VWA3B: variants seen among roughly 807,000 people sequenced by gnomAD.
The protein encoded by VWA3B is von Willebrand factor A domain-containing protein 3B.
In VWA3B, 138 loss-of-function variants were observed where a neutral mutation model predicts 158.3. The observed-to-expected ratio is 0.87, with a 90% CI of 0.76 to 1.00. VWA3B has a LOEUF of 1.00. VWA3B is among the 50% of genes least tolerant of loss of function. VWA3B has a pLI of 0.00. For synonymous variants in VWA3B, 596 were observed against 587.3 expected, an observed-to-expected ratio of 1.01 and a Z score of -0.21; for missense variants, 1,555 against 1,565.1, an observed-to-expected ratio of 0.99 and a Z score of 0.11.
intron 14 of VWA3B, 58 bp downstream of exon 14, chr2:98,218,086 C>A: frequency 6.6e-7 from 1 of 1,516,400 alleles, no homozygotes. Flanking sequence ...TACAGGCTGG[C>A]GGTCCCTGGG....
chr2:98,111,146 C>G (rs1056333598), intron 2 of VWA3B, among the ~76,000 whole-genome samples: 1 of 152,142 alleles, frequency 6.6e-6, no homozygotes, highest in African/African-American at 2.4e-5. Flanking sequence ...GTCTATTTTT[C>G]TCTGCATGTC....
intron 8 of VWA3B, among the ~76,000 whole-genome samples, chr2:98,164,395 G>T (rs1678896490): frequency 6.6e-6 from 1 of 152,180 alleles, no homozygotes; most frequent in Non-Finnish European, 1.5e-5. Context: ...TCCCTAAATG[G>T]TAGTAACAGC....
In VWA3B at chr2:98,140,989, C is replaced by A. The variant is rs533335252; in HGVS notation, c.988+7050C>A. 5.6e-4 allele frequency among the ~76,000 whole-genome samples: 86 copies of A among 152,294 alleles called. No individual in the cohort carries two copies. In the South Asian group the frequency reaches 0.013, roughly 23 times the overall value. On this transcript the variant is annotated intron_variant, in intron 7 of 27. Transcript: ENST00000477737. ...CACCAATGGCCAGTTAAGAGGTGAG[C>A]CTGATGGGCAGGTAGCAGGGTCACA...
At chr2:98,214,961 T>C (rs1683850639) in intron 13 of VWA3B, among the ~76,000 whole-genome samples, 1 of 152,144 alleles carries the variant, frequency 6.6e-6, no homozygotes, top group South Asian at 2.1e-4. Flanking sequence ...ACAAGCAACA[T>C]TCCCGCAAGC....
At chr2:98,314,036 G>A (rs1320260292), downstream of VWA3B, among the ~76,000 whole-genome samples, 1 of 152,176 alleles carries the variant, frequency 6.6e-6, no homozygotes, top group Non-Finnish European at 1.5e-5. Flanking sequence ...AAAACACTGG[G>A]CGTCAGGTGA....
At chr2:98,154,499 C>T (rs1006023047) in intron 7 of VWA3B, among the ~76,000 whole-genome samples, 1 of 152,138 alleles carries the variant, frequency 6.6e-6, no homozygotes, top group African/African-American at 2.4e-5. Context: ...AGCCCCTAAG[C>T]CCAGGGAACC....
In VWA3B at chr2:98,181,142, C is replaced by G. The variant is rs752559069; in HGVS notation, c.1241C>G (p.Ser414Cys). The change falls in exon 9 of 28, where the codon TCT becomes TGT. Residue 414 changes from serine (S) to cysteine (C), a missense_variant. Coordinates refer to ENST00000477737, the MANE Select transcript of VWA3B (RefSeq NM_144992.5). ...TTGTATGATGTGCTTGCCGACTGCT[C>G]TTTCCGCCACGCTGATGGGGTTGTG... is the stretch of plus-strand genomic sequence containing the variant. ...LSLYDVLADC[S>C]FRHADGVVDI... 2.5e-6 allele frequency: 4 copies of G among 1,614,226 alleles called. No individual in the cohort carries two copies. The South Asian group carries it at 3.3e-5, about 13-fold the overall frequency.
At chr2:98,269,875 T>C (rs1688091355) in intron 21 of VWA3B, among the ~76,000 whole-genome samples, 1 of 152,238 alleles carries the variant, frequency 6.6e-6, no homozygotes. Flanking sequence ...TACGAGTTTG[T>C]TTGTGGATGG....
rs76931723 is a variant in VWA3B, at chr2:98,261,393, G to A, written c.2843+5219G>A. ...CACTGATTTGTAATTATTATTTTAC[G>A]CATTTGCCTCTTAAAGAGTAAAGAA... On this transcript the variant is annotated intron_variant, in intron 21 of 27. Transcript: ENST00000477737. Among the ~76,000 whole-genome samples, 1,163 of 151,594 alleles carry A rather than the reference G, an allele frequency of 7.7e-3. 10 individuals are homozygous for A. The highest frequency in any genetic ancestry group is 0.026 in the African/African-American group (1,072 of 41,408).
chr2:98,190,914 A>G (rs1681520413), intron 10 of VWA3B, among the ~76,000 whole-genome samples: 1 of 152,108 alleles, frequency 6.6e-6, no homozygotes, highest in African/African-American at 2.4e-5. Flanking sequence ...CATTGTGGTC[A>G]TATTTTCTCA....
intron 12 of VWA3B, chr2:98,207,870 G>GC: frequency 5.3e-6 from 1 of 188,962 alleles, no homozygotes; most frequent in Non-Finnish European, 1.1e-5. Flanking sequence ...AGTATTTAAG[G>GC]TTTCCAATAC....
Position 98,129,641 on chromosome 2 carries a change from C to T in VWA3B, c.872+1233C>T, listed in dbSNP as rs1675702954. Among the ~76,000 whole-genome samples, 12 of 151,870 alleles carry T rather than the reference C, an allele frequency of 7.9e-5. No individual in the cohort carries two copies. The South Asian group carries it at 2.5e-3, about 32-fold the overall frequency. ...TCCTTATCTATTGGCCTCACAATACCCGAATAGTAATAAAACCTGCATTTA... is the reference window on the plus strand; with the variant it reads ...TCCTTATCTATTGGCCTCACAATACTCGAATAGTAATAAAACCTGCATTTA... On this transcript the variant is annotated intron_variant, in intron 6 of 27. Transcript: ENST00000477737.
intron 15 of VWA3B, among the ~76,000 whole-genome samples, chr2:98,229,252 C>T (rs985796422): frequency 6.6e-6 from 1 of 152,174 alleles, no homozygotes; most frequent in African/African-American, 2.4e-5. Context: ...TTATTGAGTA[C>T]AAACCATGCA....
the VWA3B span, among the ~76,000 whole-genome samples, chr2:98,321,509 C>T: frequency 4.0e-3 from 614 of 152,354 alleles, 3 homozygotes; most frequent in African/African-American, 0.014. Flanking sequence ...TGTGGCAGAG[C>T]TGCCCAAGGC....
the VWA3B span, among the ~76,000 whole-genome samples, chr2:98,326,558 C>T: frequency 2.0e-5 from 3 of 151,768 alleles, no homozygotes; most frequent in African/African-American, 4.8e-5. Context: ...CTCAGGATTT[C>T]GAGACCAGCC....
chr2:98,091,009 C>T (rs551568693), intron 1 of VWA3B, among the ~76,000 whole-genome samples: 22 of 152,210 alleles, frequency 1.4e-4, no homozygotes, highest in African/African-American at 4.6e-4. Flanking sequence ...ATCTTCTCAA[C>T]GTGCTGGGAT....
At chr2:98,147,060 C>A (rs1482720554) in intron 7 of VWA3B, among the ~76,000 whole-genome samples, 1 of 152,158 alleles carries the variant, frequency 6.6e-6, no homozygotes, top group Non-Finnish European at 1.5e-5. Context: ...TTCGCAAATT[C>A]CAAAATAACT....
chr2:98,091,008 A>G (rs1450991836), intron 1 of VWA3B, among the ~76,000 whole-genome samples: 1 of 152,124 alleles, frequency 6.6e-6, no homozygotes, highest in African/African-American at 2.4e-5. Flanking sequence ...GATCTTCTCA[A>G]CGTGCTGGGA....
rs189292882 is a variant in VWA3B, at chr2:98,295,563, C to T, written c.3158-2344C>T. 2.5e-4 allele frequency among the ~76,000 whole-genome samples: 38 copies of T among 152,300 alleles called. No homozygotes were observed. The East Asian group carries it at 6.2e-3, about 25-fold the overall frequency. On this transcript the variant is annotated intron_variant, in intron 23 of 27. Transcript: ENST00000477737. ...GGGAGGCACTGGGCTTACCAGCTTC[C>T]GCCCAGAGGAGGGGAGGCAGTGGAA...
Sources: allele counts gnomAD v4.1 joint callset (sites outside exome capture counted in the v4.1 genomes callset), GRCh38; gene constraint gnomAD v4.1.1; transcripts MANE v1.5; gene names NCBI Gene and HGNC (gene_info 2026-07-23, HGNC 2026-07-21).